The following CNOT2 variants were observed in gnomAD, a reference collection of about 807,000 sequenced individuals.
The protein encoded by CNOT2 is CC chemokine receptor 4-negative regulator of transcription 2.
In CNOT2, 7 loss-of-function variants were observed where a neutral mutation model predicts 72.1. The observed-to-expected ratio is 0.10, with a 90% CI of 0.06 to 0.18. CNOT2 has a LOEUF of 0.18. Ranked by LOEUF, CNOT2 falls within the 10% of genes least tolerant of loss-of-function variation. The pLI, the probability that CNOT2 is intolerant of heterozygous loss-of-function variation, is 1.00. For synonymous variants in CNOT2, 196 were observed against 225.6 expected (o/e 0.87, Z 1.17); for missense variants, 345 against 660.3 (o/e 0.52, Z 5.23).
chr12:70,259,775 C>A (rs1048425503), intron 1 of CNOT2, among the ~76,000 whole-genome samples: 1 of 152,130 alleles, frequency 6.6e-6, no homozygotes, highest in Non-Finnish European at 1.5e-5. Flanking sequence ...ATCCTCTTCC[C>A]CCAGTTTTGC....
chr12:70,276,876 A>T (rs866499442), intron 1 of CNOT2, among the ~76,000 whole-genome samples: 169 of 152,032 alleles, frequency 1.1e-3, no homozygotes, highest in African/African-American at 3.8e-3. Flanking sequence ...TACCTTTGTG[A>T]TGAAACATAA....
intron 1 of CNOT2, 191 bp downstream of exon 1, chr12:70,243,671 C>G (rs1424879786): frequency 2.2e-5 from 1 of 45,576 alleles, no homozygotes; most frequent in Admixed American, 2.5e-4. Context: ...GAGAGCGGAG[C>G]GGGCGGGGAG....
At chr12:70,243,382 G>A (rs996538778), upstream of CNOT2, 7 of 152,662 alleles carry the variant, frequency 4.6e-5, no homozygotes, top group African/African-American at 1.7e-4. Context: ...GGAGCGACGG[G>A]GGTCACGGCG....
chr12:70,341,840 T>A lies in CNOT2; in HGVS notation c.1179-267T>A, dbSNP rs1881547552. The A allele has an allele frequency of 2.7e-5, 10 of 368,478 alleles. No individual in the cohort carries two copies. In the East Asian group the frequency reaches 4.1e-4, roughly 15 times the overall value. 22.8% of individuals were successfully genotyped at this position (368,478 alleles called of 1,614,324 possible). The stretch of plus-strand genomic sequence containing the variant: ...GTTGAAATCAAGTAAAAGTAGAAAA[T>A]TTTTAATCATGTTTTGTATATTGTG... On this transcript the variant is annotated intron_variant, in intron 11 of 15. Transcript: ENST00000229195.
At chr12:70,261,384 G>A (rs1225857960) in intron 1 of CNOT2, among the ~76,000 whole-genome samples, 1 of 131,210 alleles carries the variant, frequency 7.6e-6, no homozygotes, top group South Asian at 2.5e-4. Context: ...GCATGATCTC[G>A]GCTCACTGCA....
chr12:70,297,774 G>A (rs1049031190), intron 2 of CNOT2: 1 of 364,398 alleles, frequency 2.7e-6, no homozygotes, highest in Non-Finnish European at 5.3e-6. Flanking sequence ...GTCTCACTCT[G>A]TCACCCAGGC....
At chr12:70,274,437 G>C (rs1178596008) in intron 1 of CNOT2, among the ~76,000 whole-genome samples, 7 of 151,986 alleles carry the variant, frequency 4.6e-5, no homozygotes, top group Non-Finnish European at 1.0e-4. Flanking sequence ...GTTAAAAAAA[G>C]AGAAAACCTG....
chr12:70,245,715 C>A (rs1450168756), intron 1 of CNOT2, among the ~76,000 whole-genome samples: 1 of 152,072 alleles, frequency 6.6e-6, no homozygotes, highest in African/African-American at 2.4e-5. Flanking sequence ...TGTGGCTTAT[C>A]TTCTGATGCT....
chr12:70,345,763 A>G (rs1882085870), intron 14 of CNOT2: 1 of 153,378 alleles, frequency 6.5e-6, no homozygotes, highest in Non-Finnish European at 1.5e-5. Flanking sequence ...TATAGTTTGT[A>G]TTTAGTTCCT....
At chr12:70,342,490 C>T (rs532671025) in intron 13 of CNOT2, 183 bp downstream of exon 13, 28 of 658,022 alleles carry the variant, frequency 4.3e-5, no homozygotes, top group Non-Finnish European at 6.2e-5. Flanking sequence ...AAAATTCTTA[C>T]ATTTAACAAC....
intron 1 of CNOT2, among the ~76,000 whole-genome samples, chr12:70,270,874 A>G (rs530564738): frequency 1.8e-4 from 28 of 152,310 alleles, no homozygotes; most frequent in Admixed American, 6.5e-4. Context: ...AGAAAGATAG[A>G]ACTATTGTTT....
chr12:70,269,769 T>G (rs1959181423), intron 1 of CNOT2, among the ~76,000 whole-genome samples: 1 of 152,158 alleles, frequency 6.6e-6, no homozygotes, highest in Non-Finnish European at 1.5e-5. Context: ...AAATTAAAGC[T>G]CTAGCTTTTT....
chr12:70,292,158 A>C (rs989120165), intron 2 of CNOT2, among the ~76,000 whole-genome samples: 6 of 152,170 alleles, frequency 3.9e-5, no homozygotes, highest in Non-Finnish European at 5.9e-5. Flanking sequence ...TTAACATCAT[A>C]TGCACTCATA....
chr12:70,244,646 A>G (rs1957789504), intron 1 of CNOT2, among the ~76,000 whole-genome samples: 1 of 152,202 alleles, frequency 6.6e-6, no homozygotes, highest in South Asian at 2.1e-4. Context: ...CGGAAGACTG[A>G]GTGCAACATA....
At chr12:70,250,508 A>G (rs1958090969) in intron 1 of CNOT2, among the ~76,000 whole-genome samples, 1 of 152,134 alleles carries the variant, frequency 6.6e-6, no homozygotes, top group African/African-American at 2.4e-5. Context: ...CTCCACCTTC[A>G]TTAATGTAAC....
At chr12:70,244,063 C>G (rs1184950579) in intron 1 of CNOT2, 3 of 152,388 alleles carry the variant, frequency 2.0e-5, no homozygotes, top group Non-Finnish European at 4.4e-5. Context: ...TTGCAAGTGT[C>G]AGATGGGAGA....
intron 2 of CNOT2, among the ~76,000 whole-genome samples, chr12:70,308,584 T>TCTCTCTCTCTCTCACACA (rs550679130): frequency 1.5e-5 from 2 of 133,240 alleles, no homozygotes; most frequent in African/African-American, 5.6e-5. Flanking sequence ...TCTCTCTCTC[T>TCTCTCTCTCTCTCACACA]CACACACACA....
intron 1 of CNOT2, among the ~76,000 whole-genome samples, chr12:70,263,528 T>C (rs1958877200): frequency 6.6e-6 from 1 of 152,214 alleles, no homozygotes; most frequent in Non-Finnish European, 1.5e-5. Context: ...TTTTACTTGT[T>C]AACTACATAA....
chr12:70,315,221 G>T (rs1877128407), intron 3 of CNOT2, among the ~76,000 whole-genome samples: 1 of 151,900 alleles, frequency 6.6e-6, no homozygotes, highest in Non-Finnish European at 1.5e-5. Flanking sequence ...CTGTTTGCTA[G>T]ATTTCATTAG....
Sources: allele counts gnomAD v4.1 joint callset (sites outside exome capture counted in the v4.1 genomes callset), GRCh38; gene constraint gnomAD v4.1.1; transcripts MANE v1.5; gene names NCBI Gene and HGNC (gene_info 2026-07-23, HGNC 2026-07-21).